Variants in DAB1 observed in about 807,000 individuals in gnomAD.
The protein encoded by DAB1 is disabled homolog 1.
Under a neutral mutation model 64.6 loss-of-function variants are expected in DAB1, and 15 were observed. That is an observed-to-expected ratio of 0.23 (90% CI 0.16 to 0.36). The LOEUF is 0.36. DAB1 is among the 10% of genes least tolerant of loss of function. The probability of loss-of-function intolerance (pLI) is 1.00; values close to 1 mark genes in which losing one functional copy is unlikely to be tolerated. For synonymous variants in DAB1, 235 were observed against 251.9 expected, an observed-to-expected ratio of 0.93 and a Z score of 0.64; for missense variants, 596 against 706.7, an observed-to-expected ratio of 0.84 and a Z score of 1.78.
chr1:58,230,037 C>T (rs2100348503), intron 4 of DAB1, among the ~76,000 whole-genome samples: 1 of 152,250 alleles, frequency 6.6e-6, no homozygotes, highest in South Asian at 2.1e-4. Flanking sequence ...GAGTCTTAAC[C>T]CCTACATCAC....
chr1:57,904,868 C>A (rs1644528225), intron 5 of DAB1, among the ~76,000 whole-genome samples: 1 of 152,060 alleles, frequency 6.6e-6, no homozygotes, highest in Admixed American at 6.6e-5. Flanking sequence ...TGTTAGAATT[C>A]CATTGTAACT....
intron 6 of DAB1, among the ~76,000 whole-genome samples, chr1:57,793,467 G>C (rs1445330084): frequency 6.6e-6 from 1 of 152,158 alleles, no homozygotes; most frequent in African/African-American, 2.4e-5. Flanking sequence ...CCCTTGAGTG[G>C]CAAAGTCAAC....
chr1:57,298,320 CT>C, intron 1 of DAB1, among the ~76,000 whole-genome samples: 1 of 152,132 alleles, frequency 6.6e-6, no homozygotes, highest in Admixed American at 6.6e-5. Context: ...GCTATAGAAA[CT>C]TTTGGCAGAA....
intron 5 of DAB1, among the ~76,000 whole-genome samples, chr1:58,067,359 G>A (rs1048917696): frequency 4.6e-5 from 7 of 152,326 alleles, no homozygotes; most frequent in South Asian, 2.1e-4. Flanking sequence ...GATAAAGCAC[G>A]TTTGTTCTGA....
intron 1 of DAB1, among the ~76,000 whole-genome samples, chr1:57,373,042 G>T (rs867068830): frequency 5.9e-5 from 9 of 151,982 alleles, no homozygotes; most frequent in Admixed American, 1.3e-4. Flanking sequence ...AAATTAGCTG[G>T]GCATGGTGGC....
chr1:57,600,018 G>A (rs188544612), intron 7 of DAB1, among the ~76,000 whole-genome samples: 62 of 152,122 alleles, frequency 4.1e-4, no homozygotes, highest in African/African-American at 1.4e-3. Flanking sequence ...CTCATTTTTC[G>A]GGTCTCAGAT....
At chr1:58,217,137 A>G (rs1270137506) in intron 4 of DAB1, among the ~76,000 whole-genome samples, 1 of 152,344 alleles carries the variant, frequency 6.6e-6, no homozygotes, top group Admixed American at 6.5e-5. Flanking sequence ...CTTTCTATAC[A>G]TTAATTCCCC....
At chr1:57,713,063 A>G (rs1647044900) in intron 6 of DAB1, among the ~76,000 whole-genome samples, 1 of 152,214 alleles carries the variant, frequency 6.6e-6, no homozygotes, top group African/African-American at 2.4e-5. Context: ...GCATTTCATC[A>G]TGATACAAGC....
chr1:58,395,822 T>C (rs377616364), intron 3 of DAB1, among the ~76,000 whole-genome samples: 207 of 152,252 alleles, frequency 1.4e-3, no homozygotes, highest in African/African-American at 4.6e-3. Context: ...GGATTCAGCA[T>C]TGAAAAAAGA....
chr1:58,360,495 G>C (rs756548890), intron 3 of DAB1, among the ~76,000 whole-genome samples: 1 of 152,126 alleles, frequency 6.6e-6, no homozygotes, highest in Non-Finnish European at 1.5e-5. Context: ...GTCCGTTCTT[G>C]CCGCCTTTTC....
chr1:58,242,488 T>A (rs1423562587), intron 4 of DAB1, among the ~76,000 whole-genome samples: 1 of 152,116 alleles, frequency 6.6e-6, no homozygotes, highest in Non-Finnish European at 1.5e-5. Context: ...ATTATATCCA[T>A]CTACATATGC....
At chr1:57,706,377 C>T (rs1438878313) in intron 6 of DAB1, among the ~76,000 whole-genome samples, 1 of 151,908 alleles carries the variant, frequency 6.6e-6, no homozygotes, top group African/African-American at 2.4e-5. Flanking sequence ...ACCATCAGGG[C>T]TCACTGCACC....
chr1:58,244,461 A>G (rs771873384), intron 4 of DAB1, among the ~76,000 whole-genome samples: 14 of 152,252 alleles, frequency 9.2e-5, no homozygotes, highest in Non-Finnish European at 1.5e-4. Context: ...TAAAGTGTTT[A>G]GAGCAATACC....
chr1:57,815,813 A>G (rs1235748824), intron 6 of DAB1, among the ~76,000 whole-genome samples: 3 of 152,204 alleles, frequency 2.0e-5, no homozygotes, highest in Non-Finnish European at 4.4e-5. Context: ...TAATATGTAC[A>G]TATCTCTAAT....
chr1:57,913,799 C>T (rs886967596), intron 5 of DAB1, among the ~76,000 whole-genome samples: 2 of 152,154 alleles, frequency 1.3e-5, no homozygotes, highest in Non-Finnish European at 2.9e-5. Context: ...TGAACAGACA[C>T]TTCTCAAAAG....
At chr1:57,312,073 T>A (rs1674757296) in intron 1 of DAB1, among the ~76,000 whole-genome samples, 1 of 152,216 alleles carries the variant, frequency 6.6e-6, no homozygotes, top group Non-Finnish European at 1.5e-5. Context: ...AACTGACTGT[T>A]GTTACTCTCT....
intron 3 of DAB1, chr1:58,481,033 T>C (rs775243800): frequency 2.3e-6 from 2 of 871,848 alleles, no homozygotes; most frequent in African/African-American, 1.6e-5. Flanking sequence ...ATAGGAAGAG[T>C]ATCCATTTTC....
intron 4 of DAB1, among the ~76,000 whole-genome samples, chr1:58,204,624 T>G (rs1406647378): frequency 6.6e-6 from 1 of 152,188 alleles, no homozygotes; most frequent in Non-Finnish European, 1.5e-5. Flanking sequence ...TCTTCAGAGT[T>G]GTCTCACCCA....
At chr1:57,150,004 C>T (rs1659508387) in intron 2 of DAB1, among the ~76,000 whole-genome samples, 1 of 152,100 alleles carries the variant, frequency 6.6e-6, no homozygotes, top group Non-Finnish European at 1.5e-5. Flanking sequence ...CTGTCCTACT[C>T]CAAGGCTTGA....
Sources: allele counts gnomAD v4.1 joint callset (sites outside exome capture counted in the v4.1 genomes callset), GRCh38; gene constraint gnomAD v4.1.1; transcripts MANE v1.5; gene names NCBI Gene and HGNC (gene_info 2026-07-23, HGNC 2026-07-21).